PLA2G4C: variants seen among roughly 807,000 people sequenced by gnomAD.
The protein encoded by PLA2G4C is cytosolic phospholipase A2 gamma.
In PLA2G4C, 64 loss-of-function variants were observed where a neutral mutation model predicts 73.8. That is an observed-to-expected ratio of 0.87 (90% CI 0.71 to 1.07). The LOEUF is 1.07. Among genes scored for constraint, PLA2G4C ranks in the 50% least tolerant of loss-of-function variants. The pLI is 0.00. For synonymous variants in PLA2G4C, 254 were observed against 252.1 expected, an observed-to-expected ratio of 1.01 and a Z score of -0.07; for missense variants, 622 against 665.4, an observed-to-expected ratio of 0.93 and a Z score of 0.72.
At chr19:48,106,500 G>T in intron 2 of PLA2G4C, 22 bp downstream of exon 2, 1 of 1,580,918 alleles carries the variant, frequency 6.3e-7, no homozygotes, top group Non-Finnish European at 8.7e-7. Flanking sequence ...TCCCCATAGT[G>T]GTCAGCTCTA....
chr19:48,106,608 T>C (rs2122160327), intron 1 of PLA2G4C, 47 bp from the exon 2 acceptor site: 1 of 1,520,514 alleles, frequency 6.6e-7, no homozygotes, highest in Non-Finnish European at 9.1e-7. Context: ...CTGTTGGGCT[T>C]AGCAAAGACA....
At chr19:48,078,344 A>G (rs900882980) in intron 10 of PLA2G4C, among the ~76,000 whole-genome samples, 1 of 152,194 alleles carries the variant, frequency 6.6e-6, no homozygotes, top group Non-Finnish European at 1.5e-5. Flanking sequence ...TGTATTCAAC[A>G]TAGTACTGGA....
chr19:48,081,914 C>G (rs932052360), intron 10 of PLA2G4C, among the ~76,000 whole-genome samples: 5 of 151,656 alleles, frequency 3.3e-5, no homozygotes, highest in African/African-American at 1.2e-4. Context: ...AACCTCATCT[C>G]TACTAAAAAT....
At chr19:48,068,253 C>T (rs373453941) in intron 12 of PLA2G4C, among the ~76,000 whole-genome samples, 2 of 141,092 alleles carry the variant, frequency 1.4e-5, no homozygotes, top group African/African-American at 2.7e-5. Context: ...TGAAGTGAGC[C>T]GAGATCGTGC....
At chr19:48,051,082 T>C (rs1044842633) in intron 16 of PLA2G4C, among the ~76,000 whole-genome samples, 6 of 152,088 alleles carry the variant, frequency 3.9e-5, no homozygotes, top group African/African-American at 1.4e-4. Flanking sequence ...TGGAATCCCA[T>C]GGATCTTTCC....
At chr19:48,105,279 G>A in intron 3 of PLA2G4C, 54 bp downstream of exon 3, 5 of 1,221,106 alleles carry the variant, frequency 4.1e-6, no homozygotes, top group Non-Finnish European at 6.0e-6. Context: ...TGGACACTGG[G>A]CACAGAGGGG....
At position 48,090,436 on chromosome 19, in the gene PLA2G4C, T is replaced by C. The variant is rs2031231994; in HGVS notation, c.710-19A>G. On this transcript the variant is annotated intron_variant, in intron 7 of 16. Coordinates refer to ENST00000599921, the MANE Select transcript of PLA2G4C (RefSeq NM_003706.3). Reference sequence around the variant, plus strand: ...CATAAACCTGCCAAGAAAAGAGCAATAAAATTCAAACATTCTCCATCACGT... The same window carrying C: ...CATAAACCTGCCAAGAAAAGAGCAACAAAATTCAAACATTCTCCATCACGT... The C allele has an allele frequency of 6.3e-7, 1 of 1,597,572 alleles. No individual in the cohort carries two copies. Among genetic ancestry groups the C allele is most frequent in the Non-Finnish European group, 8.6e-7 (1 of 1,164,986 alleles).
intron 13 of PLA2G4C, 41 bp from the exon 14 acceptor site, chr19:48,062,193 G>A: frequency 6.7e-7 from 1 of 1,500,280 alleles, no homozygotes; most frequent in Non-Finnish European, 8.9e-7. Flanking sequence ...TGCTTCTGGG[G>A]ACTGAAAGCA....
rs1212376159 is a variant in PLA2G4C, at chr19:48,095,517, T to C, written c.656A>G (p.Lys219Arg). The change falls in exon 7 of 17, where the codon AAG becomes AGG. Residue 219 changes from lysine to arginine, a missense_variant. Transcript: ENST00000599921. ...GTGAGTTCTGACCAGTCTTCCCTTC[T>C]TGAATTTGCTTCCGAAGTGGGTTAT... is the stretch of plus-strand genomic sequence containing the variant. ...VSITHFGSKFKKGRLVRTHPE... is the reference protein window; with the variant it reads ...VSITHFGSKFRKGRLVRTHPE... The C allele has an allele frequency of 6.2e-7, 1 of 1,613,958 alleles. No homozygotes were observed.
At chr19:48,107,006 G>A (rs11564514) in intron 1 of PLA2G4C, among the ~76,000 whole-genome samples, 2,427 of 152,126 alleles carry the variant, frequency 0.016, 62 homozygotes, top group African/African-American at 0.051. Context: ...CACCATGCCC[G>A]GCTAATTTTT....
intron 14 of PLA2G4C, among the ~76,000 whole-genome samples, chr19:48,058,454 A>G (rs1368988706): frequency 1.3e-5 from 2 of 152,092 alleles, no homozygotes; most frequent in Non-Finnish European, 2.9e-5. Context: ...CTACACATAA[A>G]ACAGAAATAT....
intron 12 of PLA2G4C, among the ~76,000 whole-genome samples, chr19:48,068,121 G>A (rs1968512943): frequency 6.6e-6 from 1 of 152,150 alleles, no homozygotes; most frequent in Admixed American, 6.5e-5. Flanking sequence ...GGCCAACATG[G>A]TGAAACCCTG....
At chr19:48,093,314 T>C (rs1302518669) in intron 7 of PLA2G4C, among the ~76,000 whole-genome samples, 1 of 152,152 alleles carries the variant, frequency 6.6e-6, no homozygotes, top group Non-Finnish European at 1.5e-5. Context: ...TTCTTCTTCA[T>C]CCATCTCCAG....
At chr19:48,080,889 T>C (rs1452801523) in intron 10 of PLA2G4C, among the ~76,000 whole-genome samples, 1 of 148,484 alleles carries the variant, frequency 6.7e-6, no homozygotes, top group African/African-American at 2.5e-5. Flanking sequence ...CCGAGCATGG[T>C]GGCTCATGCC....
chr19:48,101,128 T>TATATA (rs1568453324), intron 4 of PLA2G4C, among the ~76,000 whole-genome samples: 14 of 31,872 alleles, frequency 4.4e-4, no homozygotes, highest in African/African-American at 2.0e-3. Flanking sequence ...ATATATATAT[T>TATATA]TTTTTTTTTT....
chr19:48,099,920 G>A (rs1027880432), intron 4 of PLA2G4C, 60 bp from the exon 5 acceptor site: 56 of 1,244,774 alleles, frequency 4.5e-5, no homozygotes, highest in South Asian at 5.2e-5. Flanking sequence ...GAAGACTGGG[G>A]AAAGATGTGT....
chr19:48,052,599 T>C (rs1967767610), intron 16 of PLA2G4C, among the ~76,000 whole-genome samples: 1 of 152,138 alleles, frequency 6.6e-6, no homozygotes, highest in Non-Finnish European at 1.5e-5. Context: ...CAGGTAGTTC[T>C]TTACAGCAGT....
At chr19:48,064,883 AACTTGATTTTGG>A (rs1228767119) in intron 13 of PLA2G4C, 1 of 152,228 alleles carries the variant, frequency 6.6e-6, no homozygotes, top group Non-Finnish European at 1.5e-5. Context: ...CCCCACAGAC[AACTTGATTTTGG>A]ACTTCCAGCC....
At chr19:48,091,481 C>A (rs549189348) in intron 7 of PLA2G4C, among the ~76,000 whole-genome samples, 2 of 152,256 alleles carry the variant, frequency 1.3e-5, no homozygotes, top group South Asian at 4.2e-4. Context: ...AGTCACGGTG[C>A]TCAGTCTGTC....
Sources: allele counts gnomAD v4.1 joint callset (sites outside exome capture counted in the v4.1 genomes callset), GRCh38; gene constraint gnomAD v4.1.1; transcripts MANE v1.5; gene names NCBI Gene and HGNC (gene_info 2026-07-23, HGNC 2026-07-21).